Variants in KCNMA1 observed in about 807,000 individuals in gnomAD.
KCNMA1 encodes the protein Calcium-activated potassium channel subunit alpha-1.
Under a neutral mutation model 140.0 loss-of-function variants are expected in KCNMA1, and 29 were observed. The ratio of observed to expected loss-of-function variants is 0.21; its 90% CI spans 0.15 to 0.28. The LOEUF (loss-of-function observed/expected upper bound fraction) is 0.28, where lower values mean the gene tolerates loss of function less well. KCNMA1 is among the 10% of genes least tolerant of loss of function. KCNMA1 has a pLI of 1.00. For missense variants in KCNMA1, 880 were observed against 1,602.2 expected (o/e 0.55, Z 7.70); for synonymous variants, 612 against 611.9 (o/e 1.00, Z 0.00).
intron 1 of KCNMA1, among the ~76,000 whole-genome samples, chr10:77,424,995 A>C (rs2096946572): frequency 1.3e-5 from 2 of 152,232 alleles, no homozygotes; most frequent in Non-Finnish European, 2.9e-5. Flanking sequence ...CACAGGGCCT[A>C]GCACTGGGCC....
chr10:77,320,724 T>C (rs1308674941), intron 2 of KCNMA1, among the ~76,000 whole-genome samples: 3 of 152,178 alleles, frequency 2.0e-5, no homozygotes, highest in African/African-American at 4.8e-5. Context: ...GATGTAACTC[T>C]AGCCTAGGAG....
intron 17 of KCNMA1, 149 bp from the exon 18 acceptor site, chr10:77,012,192 G>T: frequency 6.6e-7 from 1 of 1,518,950 alleles, no homozygotes; most frequent in Non-Finnish European, 8.8e-7. Flanking sequence ...ATTTGCAGAC[G>T]GAAATGTTTG....
rs776211360 is a variant in KCNMA1, at chr10:77,073,062, C to T, written c.1749+35G>A. On this transcript the variant is annotated intron_variant, in intron 14 of 27. Coordinates refer to ENST00000286628, the MANE Select transcript of KCNMA1 (RefSeq NM_001161352.2). ...ACTCAACCCCACGACAAATGGAATCCCGAGCTAATGTGCTCTAATAAGACG... is the reference window on the plus strand; with the variant it reads ...ACTCAACCCCACGACAAATGGAATCTCGAGCTAATGTGCTCTAATAAGACG... 7.5e-6 allele frequency: 12 copies of T among 1,605,544 alleles called. No homozygotes were observed. The South Asian group carries it at 9.9e-5, about 13-fold the overall frequency.
intron 1 of KCNMA1, among the ~76,000 whole-genome samples, chr10:77,615,517 G>A (rs1365832200): frequency 6.6e-6 from 1 of 152,200 alleles, no homozygotes; most frequent in African/African-American, 2.4e-5. Context: ...GGAGCCACCA[G>A]GGACCCTCAG....
intron 2 of KCNMA1, among the ~76,000 whole-genome samples, chr10:77,302,943 G>A (rs117417510): frequency 1.3e-5 from 2 of 152,012 alleles, no homozygotes; most frequent in African/African-American, 4.8e-5. Context: ...TTGCAGGGGG[G>A]GGTTTCACTG....
At chr10:77,050,782 T>C (rs1368748803) in intron 14 of KCNMA1, among the ~76,000 whole-genome samples, 1 of 152,160 alleles carries the variant, frequency 6.6e-6, no homozygotes, top group Non-Finnish European at 1.5e-5. Flanking sequence ...GGACAAGAGA[T>C]TCAGAAGAAT....
At chr10:77,300,185 T>C (rs1344378150) in intron 2 of KCNMA1, among the ~76,000 whole-genome samples, 1 of 152,176 alleles carries the variant, frequency 6.6e-6, no homozygotes, top group Admixed American at 6.5e-5. Flanking sequence ...GGAGATTCGG[T>C]ACCCTGATTA....
chr10:77,531,270 T>C (rs1378330457), intron 1 of KCNMA1, among the ~76,000 whole-genome samples: 1 of 152,220 alleles, frequency 6.6e-6, no homozygotes, highest in Non-Finnish European at 1.5e-5. Context: ...ATGACCTTTA[T>C]CACCTATTCT....
intron 1 of KCNMA1, among the ~76,000 whole-genome samples, chr10:77,630,317 C>T (rs915068827): frequency 1.3e-5 from 2 of 152,160 alleles, no homozygotes; most frequent in African/African-American, 2.4e-5. Flanking sequence ...TCCTGGACTT[C>T]GGGAAGTCAC....
chr10:77,371,091 C>T (rs1339853010), intron 2 of KCNMA1, among the ~76,000 whole-genome samples: 1 of 152,286 alleles, frequency 6.6e-6, no homozygotes, highest in Non-Finnish European at 1.5e-5. Context: ...CACCGCCCAG[C>T]GTTCTTTAAA....
intron 1 of KCNMA1, among the ~76,000 whole-genome samples, chr10:77,578,455 T>C (rs528117858): frequency 1.6e-3 from 242 of 152,198 alleles, no homozygotes; most frequent in African/African-American, 5.7e-3. Context: ...TCCAGTTAAG[T>C]CCTGTGGTAG....
chr10:77,260,982 G>T (rs1004044041), intron 2 of KCNMA1, among the ~76,000 whole-genome samples: 15 of 152,146 alleles, frequency 9.9e-5, no homozygotes, highest in South Asian at 4.1e-4. Context: ...GTATTTGTAT[G>T]CACACAAACA....
At chr10:77,561,883 A>C (rs1376338179) in intron 1 of KCNMA1, among the ~76,000 whole-genome samples, 1 of 152,216 alleles carries the variant, frequency 6.6e-6, no homozygotes, top group Admixed American at 6.5e-5. Context: ...GCAAACAGCC[A>C]AGATAAGACA....
chr10:77,541,673 G>T (rs549153889), intron 1 of KCNMA1, among the ~76,000 whole-genome samples: 1 of 152,226 alleles, frequency 6.6e-6, no homozygotes, highest in South Asian at 2.1e-4. Flanking sequence ...AATGGAGAAT[G>T]GATCATGAGT....
intron 20 of KCNMA1, among the ~76,000 whole-genome samples, chr10:76,964,171 C>T (rs1327683995): frequency 1.3e-5 from 2 of 151,778 alleles, no homozygotes; most frequent in Non-Finnish European, 2.9e-5. Context: ...TCCCACTTGA[C>T]GGCCATCCCT....
chr10:77,491,723 AC>A, intron 1 of KCNMA1, among the ~76,000 whole-genome samples: 1 of 119,418 alleles, frequency 8.4e-6, no homozygotes, highest in African/African-American at 3.7e-5. Flanking sequence ...ATACACACAC[AC>A]ACACACACAC....
chr10:76,891,175 C>T (rs916887355), intron 26 of KCNMA1, among the ~76,000 whole-genome samples: 4 of 152,174 alleles, frequency 2.6e-5, no homozygotes, highest in Admixed American at 2.0e-4. Context: ...GCAGAGGATA[C>T]GTGAAGAGAA....
intron 1 of KCNMA1, among the ~76,000 whole-genome samples, chr10:77,627,312 C>T (rs755426778): frequency 5.9e-5 from 9 of 152,178 alleles, no homozygotes; most frequent in African/African-American, 1.4e-4. Flanking sequence ...ACAACCCCCA[C>T]GTGAAACTGA....
At chr10:77,133,807 A>G (rs2097915267) in intron 5 of KCNMA1, among the ~76,000 whole-genome samples, 1 of 152,166 alleles carries the variant, frequency 6.6e-6, no homozygotes, top group African/African-American at 2.4e-5. Context: ...ACATTCTTTA[A>G]TAACAGCCAT....
Sources: gnomAD v4.1 joint callset for allele counts (sites outside exome capture counted in the v4.1 genomes callset) on GRCh38, gnomAD v4.1.1 for gene constraint, MANE v1.5 for transcripts, NCBI Gene and HGNC (gene_info 2026-07-23, HGNC 2026-07-21) for gene names.